The following MYO6 variants were observed in gnomAD, a reference collection of about 807,000 sequenced individuals.
The protein encoded by MYO6 is myosin VI, also known as unconventional myosin-VI.
A neutral mutation model predicts 178.7 loss-of-function variants in MYO6; 74 were observed. The ratio of observed to expected loss-of-function variants is 0.41; its 90% CI spans 0.34 to 0.50. The LOEUF is 0.50. Among genes scored for constraint, MYO6 ranks in the 20% least tolerant of loss-of-function variants. MYO6 has a pLI of 0.09. For synonymous variants in MYO6, 477 were observed against 504.6 expected (o/e 0.95, Z 0.73); for missense variants, 1,330 against 1,547.4 (o/e 0.86, Z 2.36).
chr6:75,875,443 T>TA (rs965692459), intron 20 of MYO6, among the ~76,000 whole-genome samples: 1 of 151,958 alleles, frequency 6.6e-6, no homozygotes, highest in African/African-American at 2.4e-5. Context: ...CCCAGCTAAT[T>TA]AAAAAAAATT....
At chr6:75,753,455 G>GTGTGTGTGTATATATATA (rs370647728) in intron 1 of MYO6, among the ~76,000 whole-genome samples, 2 of 140,058 alleles carry the variant, frequency 1.4e-5, no homozygotes, top group African/African-American at 5.4e-5. Context: ...GTGTGTGTGT[G>GTGTGTGTGTATATATATA]TATATATATA....
At chr6:75,893,624 T>C (rs1779076335) in intron 28 of MYO6, among the ~76,000 whole-genome samples, 1 of 152,218 alleles carries the variant, frequency 6.6e-6, no homozygotes, top group African/African-American at 2.4e-5. Context: ...GCTTTTTCTA[T>C]TAGGTTGGTG....
intron 11 of MYO6, 145 bp downstream of exon 11, chr6:75,848,676 C>A: frequency 1.3e-6 from 1 of 780,848 alleles, no homozygotes; most frequent in Non-Finnish European, 2.0e-6. Flanking sequence ...GTTGAATCTC[C>A]CAAATGAAGA....
At chr6:75,886,432 C>A (rs1307095747) in intron 24 of MYO6, among the ~76,000 whole-genome samples, 2 of 140,698 alleles carry the variant, frequency 1.4e-5, no homozygotes, top group Non-Finnish European at 3.2e-5. Flanking sequence ...TTTTAAAAAA[C>A]ATCTCACTAA....
chr6:75,809,919 A>C (rs2150143320), intron 1 of MYO6, among the ~76,000 whole-genome samples: 1 of 149,204 alleles, frequency 6.7e-6, no homozygotes, highest in Admixed American at 6.7e-5. Flanking sequence ...AAAAAAAACA[A>C]AAAAAAAAGC....
rs1407002878 is a variant in MYO6 at position 75,866,957 on chromosome 6, A to G, written c.1796A>G (p.Asp599Gly). The change falls in exon 18 of 35, where the codon GAT becomes GGT. Residue 599 changes from aspartate (D) to glycine (G), a missense_variant. Asp to Gly is a moderately conservative substitution (Grantham distance 94). Coordinates refer to ENST00000369977, the MANE Select transcript of MYO6 (RefSeq NM_004999.4). The stretch of plus-strand genomic sequence containing the variant: ...ACCCAGTTTGTGGAGAAAAATAATG[A>G]TGCTTTACATATGTCTCTTGAATCC... Reference protein sequence around the residue: ...ETTQFVEKNNDALHMSLESLI... With the variant: ...ETTQFVEKNNGALHMSLESLI... The G allele has an allele frequency of 3.1e-6, 5 of 1,613,912 alleles. No homozygotes were observed. The highest frequency in any genetic ancestry group is 1.7e-5 in the Admixed American group (1 of 59,996).
intron 25 of MYO6, among the ~76,000 whole-genome samples, chr6:75,887,325 C>G (rs1015312535): frequency 6.6e-6 from 1 of 152,176 alleles, no homozygotes; most frequent in African/African-American, 2.4e-5. Context: ...CCTGCACATC[C>G]TGCACGTGCA....
At position 75,853,944 on chromosome 6, in the gene MYO6, C is replaced by A. The variant is rs141146862; in HGVS notation, c.1079-1195C>A. ...CATGTAAGGTAGGTAAAGTAATTATCCCAGTTTTATGGACGAAGAAACTGT... is the reference window on the plus strand; with the variant it reads ...CATGTAAGGTAGGTAAAGTAATTATACCAGTTTTATGGACGAAGAAACTGT... On this transcript the variant is annotated intron_variant, in intron 11 of 34. Transcript: ENST00000369977. Among the ~76,000 whole-genome samples the A allele has an allele frequency of 1.5e-3, 232 of 152,228 alleles. 2 individuals carry two copies. Among genetic ancestry groups the A allele is most frequent in the African/African-American group, 5.3e-3 (220 of 41,530 alleles).
intron 1 of MYO6, among the ~76,000 whole-genome samples, chr6:75,799,152 G>A (rs972323035): frequency 2.0e-5 from 3 of 152,206 alleles, no homozygotes; most frequent in African/African-American, 7.2e-5. Context: ...ACTTTGGGAG[G>A]CCAAGGCGGG....
intron 30 of MYO6, among the ~76,000 whole-genome samples, chr6:75,900,557 TC>T (rs1366705926): frequency 6.6e-6 from 1 of 152,236 alleles, no homozygotes; most frequent in African/African-American, 2.4e-5. Context: ...TCTGTTCATG[TC>T]CTTTGCCCAC....
chr6:75,897,183 T>C (rs1304144620), intron 29 of MYO6, among the ~76,000 whole-genome samples: 1 of 152,162 alleles, frequency 6.6e-6, no homozygotes. Context: ...GAGAAAAAGA[T>C]GGTAAAAACA....
At chr6:75,831,637 T>A (rs568343800) in intron 5 of MYO6, among the ~76,000 whole-genome samples, 1 of 152,280 alleles carries the variant, frequency 6.6e-6, no homozygotes, top group East Asian at 1.9e-4. Context: ...TGGTGGCTTA[T>A]GCCTGTAATC....
intron 19 of MYO6, among the ~76,000 whole-genome samples, chr6:75,871,937 C>T (rs1025990785): frequency 2.0e-5 from 3 of 151,652 alleles, no homozygotes. Context: ...GACCAGCCTG[C>T]CCAATATGGT....
chr6:75,867,975 TAC>T (rs1443754558), intron 18 of MYO6, among the ~76,000 whole-genome samples: 3 of 152,142 alleles, frequency 2.0e-5, no homozygotes, highest in Non-Finnish European at 4.4e-5. Flanking sequence ...TATATATTTC[TAC>T]AGAGTATTAT....
intron 1 of MYO6, among the ~76,000 whole-genome samples, chr6:75,801,028 G>A (rs1262489871): frequency 1.3e-5 from 2 of 152,018 alleles, no homozygotes; most frequent in Non-Finnish European, 2.9e-5. Flanking sequence ...TGGCCACATG[G>A]GGCGTTATTA....
chr6:75,792,087 T>C (rs1170369958), intron 1 of MYO6, among the ~76,000 whole-genome samples: 2 of 152,212 alleles, frequency 1.3e-5, no homozygotes, highest in African/African-American at 4.8e-5. Flanking sequence ...ATTTCCTGCC[T>C]GTTTTTGTTT....
chr6:75,828,494 TTTG>T, intron 3 of MYO6, 43 bp from the exon 4 acceptor site: 1 of 1,133,688 alleles, frequency 8.8e-7, no homozygotes, highest in Non-Finnish European at 1.3e-6. Flanking sequence ...CTTTATTTTA[TTTG>T]TTTTCTTCAA....
chr6:75,890,780 A>G (rs1778843310), intron 26 of MYO6, among the ~76,000 whole-genome samples: 1 of 152,230 alleles, frequency 6.6e-6, no homozygotes, highest in African/African-American at 2.4e-5. Flanking sequence ...TTAGCCTCTT[A>G]CACCTGAGGA....
chr6:75,870,250 G>A (rs1777032351), intron 18 of MYO6, among the ~76,000 whole-genome samples: 1 of 152,084 alleles, frequency 6.6e-6, no homozygotes. Flanking sequence ...TTCCTAATGT[G>A]TGTGACACAA....
Sources: gnomAD v4.1 joint callset for allele counts (sites outside exome capture counted in the v4.1 genomes callset) on GRCh38, gnomAD v4.1.1 for gene constraint, MANE v1.5 for transcripts, NCBI Gene and HGNC (gene_info 2026-07-23, HGNC 2026-07-21) for gene names.